The following TATDN3 variants were observed in gnomAD, a reference collection of about 807,000 sequenced individuals.
TATDN3 encodes the protein deoxyribonuclease TATDN3.
In TATDN3, 29 loss-of-function variants were observed where a neutral mutation model predicts 40.1. The ratio of observed to expected loss-of-function variants is 0.72; its 90% CI spans 0.54 to 0.99. The LOEUF (loss-of-function observed/expected upper bound fraction) is 0.99, where lower values mean the gene tolerates loss of function less well. TATDN3 is among the 50% of genes least tolerant of loss of function. The probability of loss-of-function intolerance (pLI) is 0.00; values close to 1 mark genes in which losing one functional copy is unlikely to be tolerated. For synonymous variants in TATDN3, 105 were observed against 117.0 expected (o/e 0.90, Z 0.66); for missense variants, 309 against 321.9 (o/e 0.96, Z 0.31).
Position 212,794,943 on chromosome 1 carries a change from G to A in TATDN3, c.67-152G>A, listed in dbSNP as rs1006316407. The A allele has an allele frequency of 2.6e-5, 17 of 658,862 alleles. No homozygotes were observed. The East Asian group carries it at 4.8e-4, about 19-fold the overall frequency. The allele number at this position is 658,862 out of a possible 1,614,324, so 40.8% of individuals were successfully genotyped here. On this transcript the variant is annotated intron_variant, in intron 1 of 9. Transcript: ENST00000366974. ...CTTTACTGATAGTAAGAGTAAACAG[G>A]AAGTGGGTCAGTGTAGGCTCTTTGT...
chr1:212,805,930 A>G (rs1475227562), intron 7 of TATDN3, among the ~76,000 whole-genome samples: 13 of 87,356 alleles, frequency 1.5e-4, no homozygotes, highest in Admixed American at 1.2e-3. Flanking sequence ...TGTGTGCTAC[A>G]TACACACATA....
At chr1:212,813,280 A>G (rs1395783034) in intron 9 of TATDN3, among the ~76,000 whole-genome samples, 1 of 152,116 alleles carries the variant, frequency 6.6e-6, no homozygotes, top group Non-Finnish European at 1.5e-5. Context: ...CTACTATTTT[A>G]AATTATAATT....
At position 212,801,019 on chromosome 1, in the gene TATDN3, AC is replaced by A. The variant is rs547300612; in HGVS notation, c.259-1681del. Among the ~76,000 whole-genome samples the A allele has an allele frequency of 1.9e-4, 29 of 151,938 alleles. No homozygotes were observed. In the South Asian group the frequency reaches 6.0e-3, roughly 32 times the overall value. On this transcript the variant is annotated intron_variant, in intron 4 of 9. Transcript: ENST00000366974. Reference sequence around the variant, plus strand: ...CAGAAGTTGGAGACCAGCCTAGGCAACATACACAAAAATTTAAAATGTTAGC... The same window carrying A: ...CAGAAGTTGGAGACCAGCCTAGGCAAATACACAAAAATTTAAAATGTTAGC...
At chr1:212,803,622 T>C (rs1662293107) in intron 5 of TATDN3, among the ~76,000 whole-genome samples, 1 of 152,136 alleles carries the variant, frequency 6.6e-6, no homozygotes, top group Non-Finnish European at 1.5e-5. Flanking sequence ...CTATAGTCTG[T>C]GCCGTCCAAT....
In TATDN3 at chr1:212,815,156, G is replaced by C. The variant is rs1663118941; in HGVS notation, c.825G>C (p.Ter275TyrextTer29). 3.7e-6 allele frequency: 6 copies of C among 1,606,948 alleles called. No homozygotes were observed. The Admixed American group carries it at 8.7e-5, about 23-fold the overall frequency. Residue 275 changes from the stop codon to tyrosine, a stop_lost, in exon 10 of 10, where the codon TAG becomes TAC. Transcript: ENST00000366974. ...FPKLRHLLQK* is the reference protein window; with the variant it reads ...FPKLRHLLQKY Reference sequence around the variant, plus strand: ...AGCTCCGACACTTGCTCCAGAAATAGCTTCAAAACCATCCATTACAAAATC... The same window carrying C: ...AGCTCCGACACTTGCTCCAGAAATACCTTCAAAACCATCCATTACAAAATC...
chr1:212,812,360 G>A (rs1662938233), intron 9 of TATDN3, 32 bp downstream of exon 9: 1 of 1,127,476 alleles, frequency 8.9e-7, no homozygotes, highest in Non-Finnish European at 1.3e-6. Context: ...ATATTATTTA[G>A]ATTGTATCTT....
chr1:212,797,217 G>A, intron 4 of TATDN3, 21 bp downstream of exon 4: 1 of 1,581,752 alleles, frequency 6.3e-7, no homozygotes, highest in Non-Finnish European at 8.7e-7. Context: ...TACAAAACAG[G>A]AACCATTAAA....
At chr1:212,809,184 A>G (rs1662714990) in intron 8 of TATDN3, among the ~76,000 whole-genome samples, 1 of 152,188 alleles carries the variant, frequency 6.6e-6, no homozygotes, top group Non-Finnish European at 1.5e-5. Flanking sequence ...CTATAAACAC[A>G]ATATAGATTA....
At position 212,815,678 on chromosome 1, in the gene TATDN3, C is replaced by T. The variant is rs1268212919; in HGVS notation, c.*522C>T. 6.6e-6 allele frequency: 1 copy of T among 152,400 alleles called. No homozygotes were observed. Among genetic ancestry groups the T allele is most frequent in the African/African-American group, 2.4e-5 (1 of 41,422 alleles). 9.4% of individuals were successfully genotyped at this position (152,400 alleles called of 1,614,324 possible). A position where few individuals can be genotyped will look rare whatever the true frequency, so the allele number is the denominator to read the frequency against. ...AGCTGGGATTACAGGCATGTGCCACCATGCCCAGCTAATTTTGTATTTTTA... is the reference window on the plus strand; with the variant it reads ...AGCTGGGATTACAGGCATGTGCCACTATGCCCAGCTAATTTTGTATTTTTA... On this transcript the variant is annotated 3_prime_UTR_variant, in exon 10 of 10. Coordinates refer to ENST00000366974, the MANE Select transcript of TATDN3 (RefSeq NM_001042552.3).
rs1571975521 is a variant in TATDN3, at chr1:212,811,648, G to A, written c.601-600G>A. Reference sequence around the variant, plus strand: ...GTCTGGAGTACAGTGGCGTGATCTCGGCTCACTGCAACCTTGCCTGGCTAA... The same window carrying A: ...GTCTGGAGTACAGTGGCGTGATCTCAGCTCACTGCAACCTTGCCTGGCTAA... On this transcript the variant is annotated intron_variant, in intron 8 of 9. Transcript: ENST00000366974. Among the ~76,000 whole-genome samples the A allele has an allele frequency of 3.3e-5, 5 of 151,338 alleles. No homozygotes were observed. The South Asian group carries it at 1.0e-3, about 32-fold the overall frequency.
chr1:212,799,303 G>A (rs1250117333), intron 4 of TATDN3, among the ~76,000 whole-genome samples: 3 of 152,222 alleles, frequency 2.0e-5, no homozygotes, highest in African/African-American at 4.8e-5. Context: ...GCCAAAATGA[G>A]TTTGGTGAAG....
chr1:212,808,001 G>C (rs1377003457), intron 8 of TATDN3, among the ~76,000 whole-genome samples, 153 bp downstream of exon 8: 1 of 152,004 alleles, frequency 6.6e-6, no homozygotes, highest in African/African-American at 2.4e-5. Flanking sequence ...CTCAGAAATT[G>C]ATCAAAGACT....
intron 9 of TATDN3, among the ~76,000 whole-genome samples, chr1:212,812,594 A>G (rs1662952687): frequency 6.6e-6 from 1 of 152,248 alleles, no homozygotes; most frequent in South Asian, 2.1e-4. Flanking sequence ...CTGCAGTCAG[A>G]AAGACAAATT....
intron 1 of TATDN3, among the ~76,000 whole-genome samples, chr1:212,793,506 A>T: frequency 6.6e-6 from 1 of 152,204 alleles, no homozygotes; most frequent in Non-Finnish European, 1.5e-5. Flanking sequence ...ATGGATAGGC[A>T]TGATGCTATC....
intron 8 of TATDN3, among the ~76,000 whole-genome samples, chr1:212,808,504 A>G (rs1200444082): frequency 6.6e-6 from 1 of 152,124 alleles, no homozygotes; most frequent in African/African-American, 2.4e-5. Context: ...TTCAAAGCAC[A>G]TTATCAAAAA....
At chr1:212,803,244 G>C (rs184827191) in intron 5 of TATDN3, among the ~76,000 whole-genome samples, 7 of 151,236 alleles carry the variant, frequency 4.6e-5, no homozygotes, top group Admixed American at 4.0e-4. Context: ...GTGCAGTGGC[G>C]CAATCTCGGC....
chr1:212,801,282 G>T (rs1281355329), intron 4 of TATDN3, among the ~76,000 whole-genome samples: 1 of 151,744 alleles, frequency 6.6e-6, no homozygotes, highest in African/African-American at 2.4e-5. Flanking sequence ...TAGAACTGAG[G>T]GCAGAAATAG....
At chr1:212,802,076 A>T (rs1662208300) in intron 4 of TATDN3, among the ~76,000 whole-genome samples, 1 of 152,234 alleles carries the variant, frequency 6.6e-6, no homozygotes, top group Non-Finnish European at 1.5e-5. Context: ...TCCCTGCCTA[A>T]GAAGGGAACC....
In TATDN3 at chr1:212,804,335, TC is replaced by T. The variant is rs1441178702; in HGVS notation, c.342del (p.Arg115AspfsTer16). 1.9e-5 allele frequency: 30 copies of T among 1,613,844 alleles called. No homozygotes were observed. Among genetic ancestry groups the T allele is most frequent in the East Asian group, 1.3e-4 (6 of 44,866 alleles). On this transcript the variant is annotated frameshift_variant, in exon 6 of 10. Coordinates refer to ENST00000366974, the MANE Select transcript of TATDN3 (RefSeq NM_001042552.3). LOFTEE classifies it high-confidence loss of function. ...LAIGEVGLDF[S>X]PRFAGTGEQK... ...TCTGCTCTAGGTTGGACTAGATTTC[TC>T]CCCCAGATTTGCTGGCACTGGTGAA...
Sources: gnomAD v4.1 joint callset for allele counts (sites outside exome capture counted in the v4.1 genomes callset) on GRCh38, gnomAD v4.1.1 for gene constraint, MANE v1.5 for transcripts, NCBI Gene and HGNC (gene_info 2026-07-23, HGNC 2026-07-21) for gene names.